NRXN3: variants seen among roughly 807,000 people sequenced by gnomAD.
NRXN3 encodes the protein neurexin 3.
NRXN3 carries 32 observed loss-of-function variants against 137.6 expected under a neutral mutation model. The observed-to-expected ratio is 0.23, with a 90% confidence interval of 0.18 to 0.31. NRXN3 has a LOEUF of 0.31. NRXN3 is among the 10% of genes least tolerant of loss of function. The pLI, the probability that NRXN3 is intolerant of heterozygous loss-of-function variation, is 1.00. For synonymous variants in NRXN3, 798 were observed against 784.5 expected, an observed-to-expected ratio of 1.02 and a Z score of -0.29; for missense variants, 1,574 against 2,062.5, an observed-to-expected ratio of 0.76 and a Z score of 4.59.
intron 15 of NRXN3, among the ~76,000 whole-genome samples, chr14:79,131,631 G>C (rs189303461): frequency 5.6e-4 from 86 of 152,314 alleles, no homozygotes; most frequent in African/African-American, 1.8e-3. Flanking sequence ...CTGTCTTTTT[G>C]TTTGTCTGTG....
At chr14:79,223,973 G>A (rs1445459067) in intron 15 of NRXN3, among the ~76,000 whole-genome samples, 1 of 151,906 alleles carries the variant, frequency 6.6e-6, no homozygotes, top group East Asian at 1.9e-4. Context: ...ACCATATGTT[G>A]GTTCTGAATT....
intron 10 of NRXN3, among the ~76,000 whole-genome samples, chr14:78,812,596 C>A (rs1333032450): frequency 6.6e-6 from 1 of 152,152 alleles, no homozygotes; most frequent in African/African-American, 2.4e-5. Context: ...AGACAACTCC[C>A]AGGATTACCT....
intron 4 of NRXN3, among the ~76,000 whole-genome samples, chr14:78,305,105 G>A (rs1353169228): frequency 6.6e-6 from 1 of 152,120 alleles, no homozygotes; most frequent in Non-Finnish European, 1.5e-5. Flanking sequence ...TTTGACCATT[G>A]CTGTGATCAG....
At chr14:79,749,848 A>ATC (rs1162287475) in intron 19 of NRXN3, among the ~76,000 whole-genome samples, 1 of 152,094 alleles carries the variant, frequency 6.6e-6, no homozygotes, top group Admixed American at 6.6e-5. Context: ...TATCATGTTC[A>ATC]TCACAGAATT....
At position 78,715,059 on chromosome 14, in the gene NRXN3, A is replaced by G; in HGVS notation, c.1964A>G (p.Asn655Ser). 1 of 1,613,818 alleles carries G rather than the reference A, an allele frequency of 6.2e-7. No individual in the cohort carries two copies. The highest frequency in any genetic ancestry group is 1.3e-5 in the African/African-American group (1 of 75,068). ...TGTGACAGCTACCCCTGCAAGAATAATGCTGTGTGCAAGGACGGCTGGAAC... is the reference window on the plus strand; with the variant it reads ...TGTGACAGCTACCCCTGCAAGAATAGTGCTGTGTGCAAGGACGGCTGGAAC... ...KQCDSYPCKN[N>S]AVCKDGWNRF... is the part of the protein sequence containing the mutation. The change falls in exon 8 of 21, where the codon AAT becomes AGT. Residue 655 changes from asparagine (N) to serine (S), a missense_variant. By Grantham distance (46) the Asn-to-Ser change is conservative. Around this residue, in one of 5 missense-constraint regions of NRXN3, gnomAD observed 718 missense variants for 887.6 expected, o/e 0.81. Transcript: ENST00000335750.
chr14:78,415,719 T>C (rs1267007170), intron 4 of NRXN3, among the ~76,000 whole-genome samples: 4 of 152,024 alleles, frequency 2.6e-5, no homozygotes, highest in African/African-American at 9.7e-5. Context: ...TGTTTGGAGG[T>C]AGGACATCTG....
chr14:79,497,425 C>A (rs912410778), intron 16 of NRXN3, among the ~76,000 whole-genome samples: 2 of 152,122 alleles, frequency 1.3e-5, no homozygotes, highest in African/African-American at 4.8e-5. Flanking sequence ...TCCCACCTCC[C>A]TCCAAATGTT....
intron 4 of NRXN3, among the ~76,000 whole-genome samples, chr14:78,476,301 T>C (rs1235077317): frequency 6.6e-6 from 1 of 152,190 alleles, no homozygotes; most frequent in African/African-American, 2.4e-5. Context: ...GGAGAACTGG[T>C]AGAGTGACTG....
intron 15 of NRXN3, among the ~76,000 whole-genome samples, chr14:79,132,103 G>C (rs1013186067): frequency 3.3e-5 from 5 of 152,212 alleles, no homozygotes; most frequent in African/African-American, 1.2e-4. Flanking sequence ...AGATGAACCT[G>C]GTACCTCAGA....
intron 15 of NRXN3, among the ~76,000 whole-genome samples, chr14:79,097,863 C>T (rs1478007861): frequency 6.6e-6 from 1 of 152,108 alleles, no homozygotes; most frequent in Non-Finnish European, 1.5e-5. Flanking sequence ...TGCAAAATCC[C>T]CATAGCTGAC....
intron 15 of NRXN3, among the ~76,000 whole-genome samples, chr14:79,277,176 T>C (rs2080418064): frequency 6.6e-6 from 1 of 152,046 alleles, no homozygotes; most frequent in African/African-American, 2.4e-5. Context: ...ATGAAAATCT[T>C]GGGGAAAAGC....
intron 6 of NRXN3, among the ~76,000 whole-genome samples, chr14:78,698,649 T>C (rs1227600308): frequency 6.6e-6 from 1 of 152,034 alleles, no homozygotes; most frequent in East Asian, 1.9e-4. Context: ...GCCAGTCTCT[T>C]AGAGGATCTT....
intron 8 of NRXN3, among the ~76,000 whole-genome samples, chr14:78,752,628 A>C (rs187136577): frequency 6.0e-4 from 91 of 152,276 alleles, no homozygotes; most frequent in Non-Finnish European, 1.0e-3. Flanking sequence ...AGAGACATTA[A>C]AGTGAGATTT....
intron 8 of NRXN3, among the ~76,000 whole-genome samples, chr14:78,751,912 T>C (rs1202865974): frequency 6.6e-6 from 1 of 152,094 alleles, no homozygotes; most frequent in Non-Finnish European, 1.5e-5. Flanking sequence ...CGGCAAAGCA[T>C]GAGAAGCACT....
chr14:79,731,658 G>A (rs8004436), intron 19 of NRXN3, among the ~76,000 whole-genome samples: 44,969 of 109,340 alleles, frequency 0.41, 7,023 homozygotes, highest in Middle Eastern at 0.52. Context: ...TTTTTTTTTT[G>A]TATTTTTAGT....
rs113638658 is a variant in NRXN3, at chr14:78,601,553, C to T, written c.758-43567C>T. On this transcript the variant is annotated intron_variant, in intron 4 of 20. Transcript: ENST00000335750. ...CTGCAAGCTCCGTCTCCTGGGTTCACGCCATTCTCCTGCCTCAGCCTCCCA... is the reference window on the plus strand; with the variant it reads ...CTGCAAGCTCCGTCTCCTGGGTTCATGCCATTCTCCTGCCTCAGCCTCCCA... 6.2e-3 allele frequency among the ~76,000 whole-genome samples: 946 copies of T among 151,788 alleles called. 6 individuals carry two copies. Among genetic ancestry groups the T allele is most frequent in the South Asian group, 9.2e-3 (44 of 4,792 alleles).
intron 4 of NRXN3, among the ~76,000 whole-genome samples, chr14:78,331,145 G>T (rs1437329258): frequency 6.6e-6 from 1 of 152,036 alleles, no homozygotes; most frequent in East Asian, 1.9e-4. Context: ...GTTTGAGAAA[G>T]GTCACCAAAA....
intron 4 of NRXN3, among the ~76,000 whole-genome samples, chr14:78,536,443 G>A (rs1318034706): frequency 1.3e-5 from 2 of 152,158 alleles, no homozygotes; most frequent in Non-Finnish European, 2.9e-5. Context: ...GGCTACTCTA[G>A]TAAGCCAGCC....
intron 4 of NRXN3, among the ~76,000 whole-genome samples, chr14:78,461,852 G>A (rs2094930008): frequency 6.6e-6 from 1 of 152,164 alleles, no homozygotes; most frequent in South Asian, 2.1e-4. Flanking sequence ...TAATTGAAGT[G>A]TACCTTTCCA....
Sources: allele counts gnomAD v4.1 joint callset (sites outside exome capture counted in the v4.1 genomes callset), GRCh38; gene constraint gnomAD v4.1.1; regional missense constraint gnomAD v4.1.1; transcripts MANE v1.5; gene names NCBI Gene and HGNC (gene_info 2026-07-23, HGNC 2026-07-21).